Variants in ZNF428 observed in about 807,000 individuals in gnomAD.
The protein encoded by ZNF428 is enzyme-like protein PIT13.
In ZNF428, 5 loss-of-function variants were observed where a neutral mutation model predicts 15.6. That is an observed-to-expected ratio of 0.32 (90% CI 0.17 to 0.67). The LOEUF (loss-of-function observed/expected upper bound fraction) is 0.67. Ranked by LOEUF, ZNF428 falls within the 30% of genes least tolerant of loss-of-function variation. The pLI, the probability that ZNF428 is intolerant of heterozygous loss-of-function variation, is 0.73. For synonymous variants in ZNF428, 97 were observed against 102.2 expected (o/e 0.95, Z 0.31); for missense variants, 237 against 256.0 (o/e 0.93, Z 0.51).
rs889671804 is a variant in ZNF428, at chr19:43,612,787, G to A, written c.76+1442C>T. The A allele has an allele frequency of 7.1e-6, 11 of 1,551,448 alleles. No homozygotes were observed. Among genetic ancestry groups the A allele is most frequent in the African/African-American group, 4.1e-5 (3 of 73,028 alleles). Reference sequence around the variant, plus strand: ...CCAGTACAGCCAAGTGTCAAACCCCGACTGGAATTCCCTCCAAGGAGAAGA... The same window carrying A: ...CCAGTACAGCCAAGTGTCAAACCCCAACTGGAATTCCCTCCAAGGAGAAGA... On this transcript the variant is annotated intron_variant, in intron 2 of 2. Transcript: ENST00000300811. The surrounding 1 kb of genome is among the most constrained non-coding windows in gnomAD (Gnocchi z 4.2).
intron 1 of ZNF428, among the ~76,000 whole-genome samples, chr19:43,614,739 C>A (rs1421392002): frequency 2.0e-5 from 3 of 152,320 alleles, no homozygotes; most frequent in African/African-American, 7.2e-5. Flanking sequence ...GCTGGAACTA[C>A]AAGTGTGCGT....
chr19:43,612,846 T>G lies in ZNF428; in HGVS notation c.76+1383A>C. On this transcript the variant is annotated intron_variant, in intron 2 of 2. Transcript: ENST00000300811. The surrounding 1 kb of genome is among the most constrained non-coding windows in gnomAD (Gnocchi z 4.2). ...CCATCTCCATCCTCATCAAGGAAGG[T>G]GAAGAGCTACGGTCAGATGATCATC... is the stretch of plus-strand genomic sequence containing the variant. 1 of 1,551,360 alleles carries G rather than the reference T, an allele frequency of 6.4e-7. No individual in the cohort carries two copies. The highest frequency in any genetic ancestry group is 8.7e-7 in the Non-Finnish European group (1 of 1,146,942).
chr19:43,610,414 G>C lies in ZNF428; in HGVS notation c.77-2307C>G, dbSNP rs1371561550. Among the ~76,000 whole-genome samples, 3 of 151,790 alleles carry C rather than the reference G, an allele frequency of 2.0e-5. No individual in the cohort carries two copies. The East Asian group carries it at 5.8e-4, about 29-fold the overall frequency. On this transcript the variant is annotated intron_variant, in intron 2 of 2. Transcript: ENST00000300811. ...GGGGTTTCACCTTGTTGGCCAGGCT[G>C]GTCTCAAACTCCTGACCTCAAGTGA...
Position 43,612,173 on chromosome 19 carries a change from G to T in ZNF428, c.76+2056C>A, listed in dbSNP as rs1007076052. On this transcript the variant is annotated intron_variant, in intron 2 of 2. Transcript: ENST00000300811. This position sits in a 1 kb window ranked among gnomAD's most constrained non-coding sequence, Gnocchi z 4.2. ...GCCCAGTATGTCTCTGGCACCCAGT[G>T]GATCCTCCATGCCCACTGCGGATCC... 2.7e-5 allele frequency: 42 copies of T among 1,551,694 alleles called. No individual in the cohort carries two copies. The highest frequency in any genetic ancestry group is 3.4e-5 in the Non-Finnish European group (39 of 1,146,996).
At chr19:43,611,261 A>C (rs1043857298) in intron 2 of ZNF428, among the ~76,000 whole-genome samples, 1 of 151,766 alleles carries the variant, frequency 6.6e-6, no homozygotes, top group Admixed American at 6.6e-5. Context: ...TAGTGGCCCC[A>C]AGACCCTGAT....
At chr19:43,615,627 G>A (rs1437386185) in intron 1 of ZNF428, among the ~76,000 whole-genome samples, 8 of 152,046 alleles carry the variant, frequency 5.3e-5, no homozygotes, top group Admixed American at 5.2e-4. Context: ...GATAAATTGA[G>A]CCTGGAAGGT....
chr19:43,614,444 G>A lies in ZNF428; in HGVS notation c.-130-10C>T. 5.5e-6 allele frequency: 8 copies of A among 1,444,026 alleles called. No homozygotes were observed. The highest frequency in any genetic ancestry group is 7.3e-6 in the Non-Finnish European group (8 of 1,103,038). The allele number at this position is 1,444,026 out of a possible 1,614,324, so 89.5% of individuals were successfully genotyped here. A position where few individuals can be genotyped will look rare whatever the true frequency, so the allele number is the denominator to read the frequency against. Reference sequence around the variant, plus strand: ...CAGGTAGAGAGGGATGCTGGATAGGGGGAAAGGAAAGACCTGTGATGATTC... The same window carrying A: ...CAGGTAGAGAGGGATGCTGGATAGGAGGAAAGGAAAGACCTGTGATGATTC... On this transcript the variant is annotated splice_polypyrimidine_tract_variant and intron_variant, in intron 1 of 2. Coordinates refer to ENST00000300811, the MANE Select transcript of ZNF428 (RefSeq NM_182498.4).
At position 43,612,910 on chromosome 19, in the gene ZNF428, C is replaced by T; in HGVS notation, c.76+1319G>A. 6.4e-7 allele frequency: 1 copy of T among 1,551,694 alleles called. No individual in the cohort carries two copies. The highest frequency in any genetic ancestry group is 2.4e-5 in the East Asian group (1 of 40,918). On this transcript the variant is annotated intron_variant, in intron 2 of 2. Coordinates refer to ENST00000300811, the MANE Select transcript of ZNF428 (RefSeq NM_182498.4). This position sits in a 1 kb window ranked among gnomAD's most constrained non-coding sequence, Gnocchi z 4.2. ...AGAGTTACAGCCCCACTGAAATGTCCAGCAGGGTCAAGAGTTATAACCAGG... is the reference window on the plus strand; with the variant it reads ...AGAGTTACAGCCCCACTGAAATGTCTAGCAGGGTCAAGAGTTATAACCAGG...
Position 43,607,722 on chromosome 19 carries a change from TTCC to T in ZNF428, c.459_461del (p.Glu158del), listed in dbSNP as rs753254409. 37 of 1,612,064 alleles carry T rather than the reference TTCC, an allele frequency of 2.3e-5. No individual in the cohort carries two copies. Among genetic ancestry groups the T allele is most frequent in the African/African-American group, 8.0e-5 (6 of 74,798 alleles). ...AGTGGTAGGTTCCCTCCTCCTCCTC[TTCC>T]TCCTCCTCCTCCCGCCCAGCTGGTC... On this transcript the variant is annotated inframe_deletion, in exon 3 of 3. Transcript: ENST00000300811. This position sits in a 1 kb window ranked among gnomAD's most constrained non-coding sequence, Gnocchi z 5.1.
Position 43,612,042 on chromosome 19 carries a change from C to G in ZNF428, c.76+2187G>C. On this transcript the variant is annotated intron_variant, in intron 2 of 2. Transcript: ENST00000300811. This position sits in a 1 kb window ranked among gnomAD's most constrained non-coding sequence, Gnocchi z 4.2. ...CTTCACACAGTTGGCCTGTGACAGG[C>G]AATCAGGTCATCGTCCACGGCTACC... 1 of 1,090,492 alleles carries G rather than the reference C, an allele frequency of 9.2e-7. No individual in the cohort carries two copies. The highest frequency in any genetic ancestry group is 1.6e-5 in the African/African-American group (1 of 63,988). The allele number at this position is 1,090,492 out of a possible 1,614,324, so 67.6% of individuals were successfully genotyped here.
chr19:43,618,495 G>T (rs953600802), intron 1 of ZNF428, among the ~76,000 whole-genome samples: 14 of 151,180 alleles, frequency 9.3e-5, no homozygotes, highest in Non-Finnish European at 1.8e-4. Context: ...CTGTGCTCAA[G>T]GTACCCTACT....
intron 1 of ZNF428, among the ~76,000 whole-genome samples, chr19:43,619,328 G>C (rs542729613): frequency 5.9e-5 from 9 of 152,348 alleles, no homozygotes; most frequent in South Asian, 2.1e-4. Context: ...GGATGCACCA[G>C]GCCTACGACT....
At chr19:43,608,208 T>C in intron 2 of ZNF428, 101 bp from the exon 3 acceptor site, 1 of 1,492,710 alleles carries the variant, frequency 6.7e-7, no homozygotes. Flanking sequence ...TGCCATAGTA[T>C]GACAAGGATA....
chr19:43,607,724 C>A lies in ZNF428; in HGVS notation c.460G>T (p.Glu154Ter). Residue 154 changes from glutamate to a stop codon, truncating the protein, a stop_gained, in exon 3 of 3, where the codon GAA becomes TAA. Coordinates refer to ENST00000300811, the MANE Select transcript of ZNF428 (RefSeq NM_182498.4). LOFTEE classifies it high-confidence loss of function. This position sits in a 1 kb window ranked among gnomAD's most constrained non-coding sequence, Gnocchi z 5.1. ...TGGTAGGTTCCCTCCTCCTCCTCTT[C>A]CTCCTCCTCCTCCCGCCCAGCTGGT... is the stretch of plus-strand genomic sequence containing the variant. ...GRPAGREEEE[E>*]EEEEGTYHCT... 1 of 1,607,454 alleles carries A rather than the reference C, an allele frequency of 6.2e-7. No individual in the cohort carries two copies. Among genetic ancestry groups the A allele is most frequent in the Non-Finnish European group, 8.5e-7 (1 of 1,176,720 alleles).
chr19:43,617,082 C>T (rs946894114), intron 1 of ZNF428, among the ~76,000 whole-genome samples: 1 of 152,036 alleles, frequency 6.6e-6, no homozygotes, highest in South Asian at 2.1e-4. Context: ...AGGCAAGAGC[C>T]ACCACGCCCA....
In ZNF428 at chr19:43,612,034, G is replaced by C. The variant is rs757624451; in HGVS notation, c.76+2195C>G. 3.0e-5 allele frequency: 31 copies of C among 1,017,932 alleles called. No individual in the cohort carries two copies. The African/African-American group carries it at 3.5e-4, about 12-fold the overall frequency. The allele number at this position is 1,017,932 out of a possible 1,614,324, so 63.1% of individuals were successfully genotyped here. On this transcript the variant is annotated intron_variant, in intron 2 of 2. Transcript: ENST00000300811. The surrounding 1 kb of genome is among the most constrained non-coding windows in gnomAD (Gnocchi z 4.2). ...CACTATTACTTCACACAGTTGGCCT[G>C]TGACAGGCAATCAGGTCATCGTCCA...
chr19:43,612,481 G>T lies in ZNF428; in HGVS notation c.76+1748C>A, dbSNP rs1973309871. On this transcript the variant is annotated intron_variant, in intron 2 of 2. Coordinates refer to ENST00000300811, the MANE Select transcript of ZNF428 (RefSeq NM_182498.4). The surrounding 1 kb of genome is among the most constrained non-coding windows in gnomAD (Gnocchi z 4.2). ...ACCAGCGGAGGGGCACACACAGCCG[G>T]GGTAGGACACCTGGCAGAAGGGGAA... 1 of 1,551,106 alleles carries T rather than the reference G, an allele frequency of 6.4e-7. No homozygotes were observed. Among genetic ancestry groups the T allele is most frequent in the Non-Finnish European group, 8.7e-7 (1 of 1,146,858 alleles).
chr19:43,618,111 T>C (rs1973391327), intron 1 of ZNF428, among the ~76,000 whole-genome samples: 1 of 136,050 alleles, frequency 7.4e-6, no homozygotes, highest in South Asian at 2.5e-4. Flanking sequence ...CTCGGCTCAC[T>C]GCAAGCTCCG....
chr19:43,607,662 C>A lies in ZNF428; in HGVS notation c.522G>T (p.Gly174=). The change falls in exon 3 of 3, where the codon GGG becomes GGT. Residue 174 remains glycine (G), a synonymous_variant. Coordinates refer to ENST00000300811, the MANE Select transcript of ZNF428 (RefSeq NM_182498.4). This position sits in a 1 kb window ranked among gnomAD's most constrained non-coding sequence, Gnocchi z 5.1. ...GCAGCATGAAGTGCCCGTGCAGCTC[C>A]CCCAGGTTGTCGAAGGAATCCTCAC... is the stretch of plus-strand genomic sequence containing the variant. ...TECEDSFDNL[G]ELHGHFMLHA... is the part of the protein sequence containing the mutation. 2 of 1,609,684 alleles carry A rather than the reference C, an allele frequency of 1.2e-6. No homozygotes were observed. The highest frequency in any genetic ancestry group is 1.7e-6 in the Non-Finnish European group (2 of 1,177,382).
Sources: allele counts gnomAD v4.1 joint callset (sites outside exome capture counted in the v4.1 genomes callset), GRCh38; gene constraint gnomAD v4.1.1; non-coding constraint Gnocchi (gnomAD v3.1); transcripts MANE v1.5; gene names NCBI Gene and HGNC (gene_info 2026-07-23, HGNC 2026-07-21).